Variants in PLCB4 observed in about 807,000 individuals in gnomAD.
PLCB4 encodes the protein phospholipase C beta 4, also known as 1-phosphatidylinositol 4,5-bisphosphate phosphodiesterase beta-4.
Under a neutral mutation model 178.8 loss-of-function variants are expected in PLCB4, and 77 were observed. That is an observed-to-expected ratio of 0.43 (90% CI 0.36 to 0.52). PLCB4 has a LOEUF of 0.52. Ranked by LOEUF, PLCB4 falls within the 20% of genes least tolerant of loss-of-function variation. PLCB4 has a pLI of 0.00. For synonymous variants in PLCB4, 496 were observed against 490.8 expected (o/e 1.01, Z -0.14); for missense variants, 1,024 against 1,453.4 (o/e 0.70, Z 4.80).
chr20:9,467,576 T>G (rs1010747551), intron 35 of PLCB4, among the ~76,000 whole-genome samples: 1 of 152,250 alleles, frequency 6.6e-6, no homozygotes, highest in Non-Finnish European at 1.5e-5. Flanking sequence ...TTTGCTTTCT[T>G]GACATTTGTC....
chr20:9,410,977 C>G (rs1235619890), intron 24 of PLCB4, 60 bp from the exon 25 acceptor site: 6 of 1,209,222 alleles, frequency 5.0e-6, no homozygotes, highest in Non-Finnish European at 7.4e-6. Flanking sequence ...TCAAATCACC[C>G]CGTCAGGGTC....
rs569944705 is a variant in PLCB4, at chr20:9,279,883, G to A, written c.-15-27917G>A. Among the ~76,000 whole-genome samples the A allele has an allele frequency of 7.9e-4, 120 of 152,062 alleles. No homozygotes were observed. In the Middle Eastern group the frequency reaches 0.014, roughly 17 times the overall value. ...AATAATACTACCAGCACCTACCCAC[G>A]TTATGAAAATCTCTTTGGAATCGTC... On this transcript the variant is annotated intron_variant, in intron 3 of 39. Transcript: ENST00000378473.
At chr20:9,459,948 T>C (rs1171207894) in intron 35 of PLCB4, 138 bp downstream of exon 35, 2 of 614,844 alleles carry the variant, frequency 3.3e-6, no homozygotes, top group Non-Finnish European at 5.7e-6. Context: ...TCTCATCATA[T>C]GGCTGATTAT....
At chr20:9,419,335 CTAT>C (rs1188995190) in intron 25 of PLCB4, among the ~76,000 whole-genome samples, 1 of 152,138 alleles carries the variant, frequency 6.6e-6, no homozygotes, top group East Asian at 1.9e-4. Flanking sequence ...TATTTCACTA[CTAT>C]TGTTACAGCT....
intron 12 of PLCB4, among the ~76,000 whole-genome samples, chr20:9,376,746 T>C (rs1215086920): frequency 6.6e-6 from 1 of 152,150 alleles, no homozygotes; most frequent in Non-Finnish European, 1.5e-5. Flanking sequence ...AGATGATAAC[T>C]AGGGTCCTGC....
At chr20:9,417,380 A>G (rs1424062520) in intron 25 of PLCB4, among the ~76,000 whole-genome samples, 1 of 152,112 alleles carries the variant, frequency 6.6e-6, no homozygotes, top group Non-Finnish European at 1.5e-5. Context: ...ATCTCCCAAT[A>G]GGAATTTTAA....
At chr20:9,201,643 C>G (rs982860061) in intron 2 of PLCB4, among the ~76,000 whole-genome samples, 1 of 152,046 alleles carries the variant, frequency 6.6e-6, no homozygotes, top group Non-Finnish European at 1.5e-5. Context: ...TAACATTTGA[C>G]AGATTGCAAA....
chr20:9,278,407 G>A (rs10485730), intron 3 of PLCB4, among the ~76,000 whole-genome samples: 37,541 of 151,942 alleles, frequency 0.25, 4,951 homozygotes, highest in East Asian at 0.37. Context: ...TGCTTAGATG[G>A]GACATCCAGG....
chr20:9,352,591 A>G (rs192329519), intron 7 of PLCB4, among the ~76,000 whole-genome samples: 28 of 152,334 alleles, frequency 1.8e-4, no homozygotes, highest in African/African-American at 6.5e-4. Flanking sequence ...AGTGTTGTCA[A>G]GATAACCAGC....
At chr20:9,179,469 G>A (rs925923352) in intron 2 of PLCB4, among the ~76,000 whole-genome samples, 7 of 152,134 alleles carry the variant, frequency 4.6e-5, no homozygotes, top group African/African-American at 1.7e-4. Flanking sequence ...AAGGAAAGAA[G>A]CCTTGTTCCC....
chr20:9,289,259 G>C (rs889786496), intron 3 of PLCB4, among the ~76,000 whole-genome samples: 1 of 152,018 alleles, frequency 6.6e-6, no homozygotes, highest in Non-Finnish European at 1.5e-5. Flanking sequence ...TCCCCAAATA[G>C]CATTGTAGAC....
chr20:9,413,316 A>T (rs1568773045), intron 25 of PLCB4, among the ~76,000 whole-genome samples: 1 of 146,624 alleles, frequency 6.8e-6, no homozygotes, highest in Non-Finnish European at 1.5e-5. Context: ...GTTTCTGTAT[A>T]AAAAAAATCC....
chr20:9,215,681 G>A (rs56252610), intron 2 of PLCB4, among the ~76,000 whole-genome samples: 2 of 152,044 alleles, frequency 1.3e-5, no homozygotes, highest in African/African-American at 4.8e-5. Flanking sequence ...TTACATAATG[G>A]TTAAATGTTA....
intron 9 of PLCB4, among the ~76,000 whole-genome samples, chr20:9,366,162 G>A (rs1479569530): frequency 6.8e-6 from 1 of 147,778 alleles, no homozygotes; most frequent in Non-Finnish European, 1.5e-5. Context: ...GGCCGCAGCG[G>A]GTGGATCACA....
At chr20:9,101,182 A>G (rs1172172954) in intron 2 of PLCB4, among the ~76,000 whole-genome samples, 3 of 152,160 alleles carry the variant, frequency 2.0e-5, no homozygotes, top group African/African-American at 7.2e-5. Context: ...AACAGCCTCC[A>G]TTTGTATGTA....
chr20:9,380,774 TGAGAAATGCCTGCGGAACATGG>T (rs1276685618), intron 13 of PLCB4, among the ~76,000 whole-genome samples: 2 of 151,998 alleles, frequency 1.3e-5, no homozygotes, highest in Non-Finnish European at 2.9e-5. Flanking sequence ...CCCACAGCAG[TGAGAAATGCCTGCGGAACATGG>T]GAGGGAGAGC....
chr20:9,332,121 A>C (rs1229586088), intron 4 of PLCB4, among the ~76,000 whole-genome samples: 1 of 152,224 alleles, frequency 6.6e-6, no homozygotes, highest in African/African-American at 2.4e-5. Flanking sequence ...TTTCTTTACC[A>C]GAAAATTCTG....
Position 9,347,920 on chromosome 20 carries a change from G to A in PLCB4, c.369+8883G>A, listed in dbSNP as rs528297339. Among the ~76,000 whole-genome samples the A allele has an allele frequency of 1.4e-4, 22 of 152,328 alleles. No homozygotes were observed. The South Asian group carries it at 1.7e-3, about 11-fold the overall frequency. The stretch of plus-strand genomic sequence containing the variant: ...ACCCAAGAGGTGGAGGTTGTAGTGA[G>A]CCAAGATCACGCCACTGCACTCCAG... On this transcript the variant is annotated intron_variant, in intron 7 of 39. Transcript: ENST00000378473.
intron 2 of PLCB4, among the ~76,000 whole-genome samples, chr20:9,173,846 C>T (rs1401128705): frequency 6.6e-6 from 1 of 152,142 alleles, no homozygotes; most frequent in Non-Finnish European, 1.5e-5. Context: ...TTCCACACCC[C>T]AAATTCACTT....
Sources: gnomAD v4.1 joint callset for allele counts (sites outside exome capture counted in the v4.1 genomes callset) on GRCh38, gnomAD v4.1.1 for gene constraint, MANE v1.5 for transcripts, NCBI Gene and HGNC (gene_info 2026-07-23, HGNC 2026-07-21) for gene names.